IQCH: variants seen among roughly 807,000 people sequenced by gnomAD.
The protein encoded by IQCH is IQ motif containing H.
In IQCH, 98 loss-of-function variants were observed where a neutral mutation model predicts 117.0. The observed-to-expected ratio is 0.84, with a 90% CI of 0.71 to 0.99. The LOEUF (loss-of-function observed/expected upper bound fraction) is 0.99, where lower values mean the gene tolerates loss of function less well. Ranked by LOEUF, IQCH falls within the 50% of genes least tolerant of loss-of-function variation. IQCH has a pLI of 0.00. For synonymous variants in IQCH, 412 were observed against 448.2 expected (o/e 0.92, Z 1.02); for missense variants, 1,102 against 1,243.8 (o/e 0.89, Z 1.72).
Position 67,388,848 on chromosome 15 carries a change from A to G in IQCH, c.1474A>G (p.Ile492Val), listed in dbSNP as rs1971189885. ...CDILDANVNV[I>V]YICSHHMNDE... ...GTTTTTAGATGCCAATGTGAATGTCATCTACATCTGCTCCCATCATATGAA... is the reference window on the plus strand; with the variant it reads ...GTTTTTAGATGCCAATGTGAATGTCGTCTACATCTGCTCCCATCATATGAA... Residue 492 changes from isoleucine (I) to valine (V), a missense_variant, in exon 12 of 21, where the codon ATC (isoleucine) becomes GTC (valine). Physicochemically the swap from Ile to Val is conservative, Grantham distance 29 (BLOSUM62 3). Transcript: ENST00000335894. This position sits in a 1 kb window ranked among gnomAD's most constrained non-coding sequence, Gnocchi z 5.5. The G allele has an allele frequency of 2.5e-6, 4 of 1,613,524 alleles. No individual in the cohort carries two copies. Among genetic ancestry groups the G allele is most frequent in the East Asian group, 4.5e-5 (2 of 44,882 alleles).
rs8042066 is a variant in IQCH at position 67,360,409 on chromosome 15, G to A, written c.753+524G>A. ...AAAAATGAAATAGCCCCCACAATAT[G>A]GCAAGTACATGCCAGCAAGGAACAT... On this transcript the variant is annotated intron_variant, in intron 8 of 20. Coordinates refer to ENST00000335894, the MANE Select transcript of IQCH (RefSeq NM_001031715.3). 3.1e-3 allele frequency among the ~76,000 whole-genome samples: 468 copies of A among 152,284 alleles called. 3 individuals carry two copies. Among genetic ancestry groups the A allele is most frequent in the African/African-American group, 0.011 (451 of 41,552 alleles).
At chr15:67,412,267 G>A (rs1306451066) in intron 14 of IQCH, among the ~76,000 whole-genome samples, 2 of 152,190 alleles carry the variant, frequency 1.3e-5, no homozygotes, top group East Asian at 3.9e-4. Flanking sequence ...CAAGTCATTA[G>A]CTCTAAATGA....
chr15:67,327,442 T>A (rs894727464), intron 4 of IQCH, among the ~76,000 whole-genome samples: 2 of 152,246 alleles, frequency 1.3e-5, no homozygotes, highest in Admixed American at 6.5e-5. Context: ...TAAAAAAAAA[T>A]GTATAACAGC....
chr15:67,335,329 G>C lies in IQCH; in HGVS notation c.388-1646G>C, dbSNP rs150291549. ...TCAGGTGTTCTTTGTCAAAGGCTTTGAGAAAATCCGGATAAATTATCCTCT... is the reference window on the plus strand; with the variant it reads ...TCAGGTGTTCTTTGTCAAAGGCTTTCAGAAAATCCGGATAAATTATCCTCT... On this transcript the variant is annotated intron_variant, in intron 4 of 20. Coordinates refer to ENST00000335894, the MANE Select transcript of IQCH (RefSeq NM_001031715.3). Among the ~76,000 whole-genome samples, 201 of 152,278 alleles carry C rather than the reference G, an allele frequency of 1.3e-3. 5 individuals carry two copies. The highest frequency in any genetic ancestry group is 0.012 in the East Asian group (62 of 5,190).
intron 4 of IQCH, among the ~76,000 whole-genome samples, chr15:67,300,444 C>T (rs767952274): frequency 2.0e-5 from 3 of 152,130 alleles, no homozygotes; most frequent in Non-Finnish European, 4.4e-5. Context: ...CAGGACTTGA[C>T]GTCTATTGTT....
At chr15:67,350,290 C>G (rs1260941690) in intron 6 of IQCH, among the ~76,000 whole-genome samples, 1 of 152,122 alleles carries the variant, frequency 6.6e-6, no homozygotes, top group Non-Finnish European at 1.5e-5. Context: ...CCATATGATT[C>G]TATTTACATG....
chr15:67,437,507 C>T (rs2082166981), intron 16 of IQCH, among the ~76,000 whole-genome samples: 1 of 152,114 alleles, frequency 6.6e-6, no homozygotes, highest in Non-Finnish European at 1.5e-5. Flanking sequence ...CTCTTCAACA[C>T]CCCTAAAAAA....
rs868388253 is a variant in IQCH, at chr15:67,353,550, G to A, written c.638-3795G>A. Among the ~76,000 whole-genome samples the A allele has an allele frequency of 5.3e-5, 8 of 152,052 alleles. No individual in the cohort carries two copies. In the South Asian group the frequency reaches 8.3e-4, roughly 16 times the overall value. On this transcript the variant is annotated intron_variant, in intron 6 of 20. Transcript: ENST00000335894. ...AATTTTTTGTATTTTAGTAGAGAGA[G>A]GGTTTCACCATGTTGCCCAGGGTGG...
At chr15:67,484,728 G>A (rs2083428406) in intron 18 of IQCH, among the ~76,000 whole-genome samples, 1 of 151,306 alleles carries the variant, frequency 6.6e-6, no homozygotes, top group Non-Finnish European at 1.5e-5. Context: ...GTGACAGAGT[G>A]AGACTCCATC....
At chr15:67,423,985 T>A (rs1197237414) in intron 16 of IQCH, among the ~76,000 whole-genome samples, 1 of 152,124 alleles carries the variant, frequency 6.6e-6, no homozygotes, top group Non-Finnish European at 1.5e-5. Context: ...TTATTTGAGT[T>A]TGGTATAAGG....
chr15:67,481,881 A>G lies in IQCH; in HGVS notation c.2799+6063A>G, dbSNP rs896027646. On this transcript the variant is annotated intron_variant, in intron 18 of 20. Transcript: ENST00000335894. The surrounding 1 kb of genome is among the most constrained non-coding windows in gnomAD (Gnocchi z 4.1). ...AGAGACTGTTGCTGCTTAAGACTTAAAACAACCCTTGGGCCCTCAACTATC... is the reference window on the plus strand; with the variant it reads ...AGAGACTGTTGCTGCTTAAGACTTAGAACAACCCTTGGGCCCTCAACTATC... Among the ~76,000 whole-genome samples the G allele has an allele frequency of 7.2e-5, 11 of 152,192 alleles. No homozygotes were observed. Among genetic ancestry groups the G allele is most frequent in the African/African-American group, 2.7e-4 (11 of 41,444 alleles).
rs1428997366 is a variant in IQCH, at chr15:67,459,001, C to T, written c.2506-6126C>T. 6.6e-6 allele frequency among the ~76,000 whole-genome samples: 1 copy of T among 152,170 alleles called. No individual in the cohort carries two copies. Among genetic ancestry groups the T allele is most frequent in the Admixed American group, 6.5e-5 (1 of 15,278 alleles). Reference sequence around the variant, plus strand: ...TAAATATACACAATTCCCTGTTAGCCTCATAGATACATCTGGAGGCAACAG... The same window carrying T: ...TAAATATACACAATTCCCTGTTAGCTTCATAGATACATCTGGAGGCAACAG... On this transcript the variant is annotated intron_variant, in intron 16 of 20. Transcript: ENST00000335894. The surrounding 1 kb of genome is among the most constrained non-coding windows in gnomAD (Gnocchi z 4.2).
chr15:67,300,501 G>A (rs775691859), intron 4 of IQCH, among the ~76,000 whole-genome samples: 3 of 152,242 alleles, frequency 2.0e-5, no homozygotes, highest in Non-Finnish European at 4.4e-5. Context: ...TGTTAAAAGT[G>A]ACTAAATTCT....
At chr15:67,318,801 T>A (rs576990925) in intron 4 of IQCH, among the ~76,000 whole-genome samples, 24 of 152,282 alleles carry the variant, frequency 1.6e-4, no homozygotes, top group Non-Finnish European at 2.9e-4. Context: ...GAGGACTTGT[T>A]AGATGAATGG....
At position 67,356,803 on chromosome 15, in the gene IQCH, G is replaced by A. The variant is rs1007814148; in HGVS notation, c.638-542G>A. 4.6e-5 allele frequency among the ~76,000 whole-genome samples: 7 copies of A among 152,104 alleles called. No individual in the cohort carries two copies. Among genetic ancestry groups the A allele is most frequent in the Admixed American group, 6.5e-5 (1 of 15,270 alleles). On this transcript the variant is annotated intron_variant, in intron 6 of 20. Coordinates refer to ENST00000335894, the MANE Select transcript of IQCH (RefSeq NM_001031715.3). This position sits in a 1 kb window ranked among gnomAD's most constrained non-coding sequence, Gnocchi z 5.3. ...CTAGCATGTGGGCCCATTCTTCCTC[G>A]ACCATGGGCTAGGTGTGTTCTCTAA...
rs538453062 is a variant in IQCH at position 67,440,096 on chromosome 15, C to T, written c.2505+18519C>T. The stretch of plus-strand genomic sequence containing the variant: ...TTGAAGGCTACTATGACCACCTTTA[C>T]ACACATAAACTAGAAAACCTAGAAG... On this transcript the variant is annotated intron_variant, in intron 16 of 20. Transcript: ENST00000335894. 4.5e-3 allele frequency among the ~76,000 whole-genome samples: 682 copies of T among 152,036 alleles called. 6 individuals are homozygous for T. Among genetic ancestry groups the T allele is most frequent in the African/African-American group, 0.016 (647 of 41,492 alleles).
Position 67,453,891 on chromosome 15 carries a change from C to T in IQCH, c.2506-11236C>T, listed in dbSNP as rs952308979. Reference sequence around the variant, plus strand: ...CTCCACCCAGTTCAAGCTTCCCGGCCGCTTTGTTTACGTAATCAAACAACT... The same window carrying T: ...CTCCACCCAGTTCAAGCTTCCCGGCTGCTTTGTTTACGTAATCAAACAACT... On this transcript the variant is annotated intron_variant, in intron 16 of 20. Transcript: ENST00000335894. This position sits in a 1 kb window ranked among gnomAD's most constrained non-coding sequence, Gnocchi z 5.8. 3.9e-5 allele frequency among the ~76,000 whole-genome samples: 6 copies of T among 152,224 alleles called. No individual in the cohort carries two copies. Among genetic ancestry groups the T allele is most frequent in the Non-Finnish European group, 2.9e-5 (2 of 68,042 alleles).
In IQCH at chr15:67,463,705, A is replaced by T. The variant is rs569181188; in HGVS notation, c.2506-1422A>T. 5.3e-5 allele frequency among the ~76,000 whole-genome samples: 8 copies of T among 152,348 alleles called. No individual in the cohort carries two copies. The highest frequency in any genetic ancestry group is 3.9e-4 in the Admixed American group (6 of 15,292). On this transcript the variant is annotated intron_variant, in intron 16 of 20. Transcript: ENST00000335894. The surrounding 1 kb of genome is among the most constrained non-coding windows in gnomAD (Gnocchi z 4.0). Reference sequence around the variant, plus strand: ...AGCTCAAAGGTCACCTTCATGATGCAGCCCTGATTTCATTAGACAAACCCA... The same window carrying T: ...AGCTCAAAGGTCACCTTCATGATGCTGCCCTGATTTCATTAGACAAACCCA...
At chr15:67,462,309 A>G (rs1357752939) in intron 16 of IQCH, among the ~76,000 whole-genome samples, 1 of 151,480 alleles carries the variant, frequency 6.6e-6, no homozygotes, top group Non-Finnish European at 1.5e-5. Flanking sequence ...GGCACCTATA[A>G]TCCCAGCTAC....
Sources: gnomAD v4.1 joint callset for allele counts (sites outside exome capture counted in the v4.1 genomes callset) on GRCh38, gnomAD v4.1.1 for gene constraint, Gnocchi (gnomAD v3.1) non-coding constraint, MANE v1.5 for transcripts, NCBI Gene and HGNC (gene_info 2026-07-23, HGNC 2026-07-21) for gene names.